NBAS: variants seen among roughly 807,000 people sequenced by gnomAD.
NBAS encodes the protein NAG/BC035112 fusion.
In NBAS, 219 loss-of-function variants were observed where a neutral mutation model predicts 302.5. The observed-to-expected ratio is 0.72, with a 90% confidence interval of 0.65 to 0.81. The LOEUF (loss-of-function observed/expected upper bound fraction) is 0.81. Ranked by LOEUF, NBAS falls within the 30% of genes least tolerant of loss-of-function variation. NBAS has a pLI of 0.00. For synonymous variants in NBAS, 1,118 were observed against 1,021.6 expected, an observed-to-expected ratio of 1.09 and a Z score of -1.80; for missense variants, 2,932 against 2,841.6, an observed-to-expected ratio of 1.03 and a Z score of -0.72.
the NBAS span, among the ~76,000 whole-genome samples, chr2:14,947,153 A>G: frequency 6.6e-6 from 1 of 152,172 alleles, no homozygotes; most frequent in East Asian, 1.9e-4. Context: ...GTAGACGGAA[A>G]CAAATACAAA....
intron 7 of NBAS, 104 bp downstream of exon 7, chr2:15,539,119 T>C: frequency 1.4e-6 from 2 of 1,474,418 alleles, no homozygotes; most frequent in Non-Finnish European, 1.9e-6. Context: ...CTTATTATTC[T>C]GATTTATATT....
intron 35 of NBAS, among the ~76,000 whole-genome samples, chr2:15,346,527 A>C (rs1333365644): frequency 6.6e-6 from 1 of 152,240 alleles, no homozygotes; most frequent in Admixed American, 6.5e-5. Context: ...GCTGTGAAGA[A>C]ATAGGAATGC....
Position 15,417,642 on chromosome 2 carries a change from T to C in NBAS, c.2648A>G (p.Asp883Gly). The C allele has an allele frequency of 1.2e-6, 2 of 1,614,024 alleles. No individual in the cohort carries two copies. The change falls in exon 24 of 52, where the codon GAC becomes GGC. Residue 883 changes from aspartate (D) to glycine (G), a missense_variant. Asp to Gly is a moderately conservative substitution (Grantham distance 94). Coordinates refer to ENST00000281513, the MANE Select transcript of NBAS (RefSeq NM_015909.4). The part of the protein sequence containing the change: ...RNIPGLLVLC[D>G]NLVTLETLVY... Reference sequence around the variant, plus strand: ...CAATGTTTCCAGAGTAACCAAATTGTCACAGAGAACCAGCAAACCAGGAAT... The same window carrying C: ...CAATGTTTCCAGAGTAACCAAATTGCCACAGAGAACCAGCAAACCAGGAAT...
At chr2:15,520,329 G>A (rs2148660831) in intron 9 of NBAS, among the ~76,000 whole-genome samples, 1 of 152,216 alleles carries the variant, frequency 6.6e-6, no homozygotes, top group African/African-American at 2.4e-5. Context: ...TTGAGCCCAG[G>A]AGGTAGAAGC....
At chr2:15,459,534 A>G (rs6761904) in intron 21 of NBAS, among the ~76,000 whole-genome samples, 89,957 of 145,866 alleles carry the variant, frequency 0.62, 28,595 homozygotes, top group Non-Finnish European at 0.68. Context: ...TCGTTCTGTC[A>G]CCCAGGGGTG....
chr2:15,399,969 T>C (rs1676068824), intron 26 of NBAS, among the ~76,000 whole-genome samples: 1 of 152,178 alleles, frequency 6.6e-6, no homozygotes, highest in Admixed American at 6.5e-5. Flanking sequence ...AAGTGTGCAA[T>C]TGTGGCATTT....
the NBAS span, among the ~76,000 whole-genome samples, chr2:14,861,232 T>C: frequency 6.6e-6 from 1 of 152,244 alleles, no homozygotes; most frequent in African/African-American, 2.4e-5. Context: ...CTAATTCAGA[T>C]AACGACATTA....
chr2:15,163,209 C>A (rs544919534), downstream of NBAS, among the ~76,000 whole-genome samples: 1 of 152,170 alleles, frequency 6.6e-6, no homozygotes, highest in East Asian at 1.9e-4. Flanking sequence ...GAGAATAGGG[C>A]GAAGAGAAGT....
the NBAS span, among the ~76,000 whole-genome samples, chr2:15,115,554 G>A: frequency 6.6e-6 from 1 of 152,134 alleles, no homozygotes; most frequent in East Asian, 1.9e-4. Context: ...TCAGCTGAGT[G>A]CAGTGGTACA....
the NBAS span, among the ~76,000 whole-genome samples, chr2:15,013,562 T>C: frequency 6.6e-6 from 1 of 152,074 alleles, no homozygotes; most frequent in Non-Finnish European, 1.5e-5. Flanking sequence ...AGGCAGGGCA[T>C]CATTTGAGGT....
chr2:15,186,711 C>T (rs1229648640), intron 50 of NBAS, 31 bp downstream of exon 50: 2 of 1,613,466 alleles, frequency 1.2e-6, no homozygotes, highest in East Asian at 2.2e-5. Context: ...AAAGGCCACT[C>T]CTTAGGAAAG....
At chr2:15,487,364 C>T (rs1259663345) in intron 12 of NBAS, among the ~76,000 whole-genome samples, 2 of 152,292 alleles carry the variant, frequency 1.3e-5, no homozygotes, top group South Asian at 2.1e-4. Flanking sequence ...AGTCATCCCT[C>T]GGTATATGCA....
intron 25 of NBAS, among the ~76,000 whole-genome samples, chr2:15,410,150 C>T (rs1246362200): frequency 6.6e-6 from 1 of 152,190 alleles, no homozygotes; most frequent in Non-Finnish European, 1.5e-5. Context: ...GACAATGCAT[C>T]TTTTAAAGAG....
chr2:15,407,666 A>G (rs530076382), intron 25 of NBAS, among the ~76,000 whole-genome samples: 7 of 152,232 alleles, frequency 4.6e-5, no homozygotes, highest in Non-Finnish European at 7.3e-5. Context: ...AAGACCCTCA[A>G]TGGCAATTAC....
At chr2:15,067,462 G>A in the NBAS span, among the ~76,000 whole-genome samples, 1 of 130,398 alleles carries the variant, frequency 7.7e-6, no homozygotes, top group South Asian at 3.0e-4. Context: ...GGGGAGAGGA[G>A]GGGAGAGGAG....
chr2:14,938,141 T>A, the NBAS span, among the ~76,000 whole-genome samples: 3 of 151,670 alleles, frequency 2.0e-5, no homozygotes, highest in African/African-American at 4.9e-5. Flanking sequence ...ATAAAAAAAA[T>A]TAAAAAAATA....
intron 48 of NBAS, among the ~76,000 whole-genome samples, chr2:15,200,723 T>A (rs776750019): frequency 6.6e-6 from 1 of 152,230 alleles, no homozygotes. Context: ...TTTGCCCTTG[T>A]TGTGTATGTC....
At chr2:15,543,052 A>G (rs968980207) in intron 6 of NBAS, among the ~76,000 whole-genome samples, 7 of 152,260 alleles carry the variant, frequency 4.6e-5, no homozygotes, top group African/African-American at 1.7e-4. Flanking sequence ...AGGAATGAAC[A>G]GTACAGATTT....
chr2:15,274,850 C>T (rs905874833), intron 44 of NBAS, among the ~76,000 whole-genome samples: 4 of 151,968 alleles, frequency 2.6e-5, no homozygotes, highest in Admixed American at 1.3e-4. Context: ...CTCCAACCTC[C>T]GTTTCGTAGG....
Sources: gnomAD v4.1 joint callset for allele counts (sites outside exome capture counted in the v4.1 genomes callset) on GRCh38, gnomAD v4.1.1 for gene constraint, MANE v1.5 for transcripts, NCBI Gene and HGNC (gene_info 2026-07-23, HGNC 2026-07-21) for gene names.